QTMAN: variants seen among roughly 807,000 people sequenced by gnomAD.
The protein encoded by QTMAN is queuosine-tRNA mannosyltransferase.
At chr2:144,027,971 G>A in the QTMAN span, among the ~76,000 whole-genome samples, 3 of 152,050 alleles carry the variant, frequency 2.0e-5, no homozygotes, top group Admixed American at 2.0e-4. Flanking sequence ...CTTAGTGTGG[G>A]GGCCGTTAGT....
the QTMAN span, among the ~76,000 whole-genome samples, chr2:144,246,953 G>T: frequency 6.6e-6 from 1 of 152,202 alleles, no homozygotes; most frequent in Non-Finnish European, 1.5e-5. Flanking sequence ...CTATAGGAAA[G>T]TTACTTCCAA....
At chr2:143,971,229 C>A in the QTMAN span, among the ~76,000 whole-genome samples, 3 of 151,986 alleles carry the variant, frequency 2.0e-5, no homozygotes, top group African/African-American at 4.8e-5. Flanking sequence ...ACCTTCCTCT[C>A]ACATTTACTG....
chr2:144,153,932 G>T, the QTMAN span, among the ~76,000 whole-genome samples: 4 of 152,102 alleles, frequency 2.6e-5, no homozygotes, highest in African/African-American at 4.8e-5. Context: ...AGCACAAGAG[G>T]TTTGGTTAAA....
At chr2:144,197,725 T>C in the QTMAN span, among the ~76,000 whole-genome samples, 2 of 152,150 alleles carry the variant, frequency 1.3e-5, no homozygotes, top group African/African-American at 4.8e-5. Flanking sequence ...CTGCCTTCCA[T>C]TCCTACTATT....
the QTMAN span, among the ~76,000 whole-genome samples, chr2:144,254,440 A>C: frequency 1.3e-5 from 2 of 152,128 alleles, no homozygotes; most frequent in Non-Finnish European, 2.9e-5. Context: ...TAAATAAATA[A>C]AATACAAAAA....
the QTMAN span, among the ~76,000 whole-genome samples, chr2:144,074,244 T>C: frequency 6.6e-6 from 1 of 152,232 alleles, no homozygotes; most frequent in East Asian, 1.9e-4. Context: ...GTCACACCTA[T>C]TTTTAATTTT....
At chr2:144,039,927 T>C in the QTMAN span, among the ~76,000 whole-genome samples, 14 of 152,308 alleles carry the variant, frequency 9.2e-5, no homozygotes, top group Admixed American at 3.3e-4. Flanking sequence ...TTGAAGCTAT[T>C]TGTATACTTG....
the QTMAN span, among the ~76,000 whole-genome samples, chr2:144,269,221 T>G: frequency 5.9e-5 from 9 of 152,208 alleles, no homozygotes; most frequent in Admixed American, 5.9e-4. Context: ...TTTAATTCAT[T>G]TAAAAGTAAA....
At chr2:144,250,303 C>T in the QTMAN span, among the ~76,000 whole-genome samples, 3 of 151,638 alleles carry the variant, frequency 2.0e-5, no homozygotes, top group Non-Finnish European at 4.4e-5. Flanking sequence ...ACCATCATGC[C>T]CAGCTAATTT....
the QTMAN span, among the ~76,000 whole-genome samples, chr2:144,273,305 G>T: frequency 6.6e-6 from 1 of 152,040 alleles, no homozygotes; most frequent in African/African-American, 2.4e-5. Flanking sequence ...TTCTCCAGGG[G>T]ACTCCTCCCT....
chr2:144,302,611 A>C, the QTMAN span, among the ~76,000 whole-genome samples: 142 of 152,350 alleles, frequency 9.3e-4, no homozygotes, highest in Non-Finnish European at 1.3e-3. Context: ...TGTTTCAGTC[A>C]ATATTCAATA....
the QTMAN span, chr2:144,177,360 T>G: frequency 3.4e-6 from 2 of 580,662 alleles, no homozygotes. Flanking sequence ...TCTGTGGGGT[T>G]TGGGGGTAGT....
the QTMAN span, among the ~76,000 whole-genome samples, chr2:143,966,269 C>T: frequency 6.6e-6 from 1 of 152,158 alleles, no homozygotes; most frequent in Non-Finnish European, 1.5e-5. Context: ...TGCCAATTCA[C>T]AGGGCTATTG....
At chr2:144,263,087 G>A in the QTMAN span, among the ~76,000 whole-genome samples, 1 of 151,754 alleles carries the variant, frequency 6.6e-6, no homozygotes, top group South Asian at 2.1e-4. Context: ...CTCCATAGTC[G>A]AGTTGACACA....
the QTMAN span, among the ~76,000 whole-genome samples, chr2:144,141,457 G>A: frequency 6.6e-6 from 1 of 151,014 alleles, no homozygotes; most frequent in Non-Finnish European, 1.5e-5. Flanking sequence ...AAAATAGCAT[G>A]AGAAATGAAC....
At chr2:144,111,858 G>A in the QTMAN span, among the ~76,000 whole-genome samples, 18 of 152,264 alleles carry the variant, frequency 1.2e-4, no homozygotes, top group East Asian at 3.3e-3. Context: ...AAAAAACAAT[G>A]AAATGTTTTC....
chr2:144,219,143 CTTTT>C, the QTMAN span, among the ~76,000 whole-genome samples: 2 of 151,882 alleles, frequency 1.3e-5, no homozygotes, highest in South Asian at 4.2e-4. Flanking sequence ...TCTTCTTCTT[CTTTT>C]GAGATGGAGT....
chr2:144,036,054 C>G, the QTMAN span, among the ~76,000 whole-genome samples: 1 of 152,190 alleles, frequency 6.6e-6, no homozygotes, highest in Non-Finnish European at 1.5e-5. Context: ...ATTGATGTCT[C>G]CTTTAACTGG....
the QTMAN span, among the ~76,000 whole-genome samples, chr2:143,950,586 T>A: frequency 6.6e-6 from 1 of 151,632 alleles, no homozygotes; most frequent in African/African-American, 2.4e-5. Context: ...AGGGAAAAAA[T>A]CAATAATCTG....
Sources: gnomAD v4.1 joint callset for allele counts (sites outside exome capture counted in the v4.1 genomes callset) on GRCh38, gnomAD v4.1.1 for gene constraint, MANE v1.5 for transcripts, NCBI Gene and HGNC (gene_info 2026-07-23, HGNC 2026-07-21) for gene names.